Variants in NOP9 observed in about 807,000 individuals in gnomAD.
NOP9 encodes nucleolar protein 9.
NOP9 carries 50 observed loss-of-function variants against 63.0 expected under a neutral mutation model. The observed-to-expected ratio is 0.79, with a 90% CI of 0.63 to 1.00. The LOEUF (loss-of-function observed/expected upper bound fraction) is 1.00, where lower values mean the gene tolerates loss of function less well. NOP9 is among the 50% of genes least tolerant of loss of function. The probability of loss-of-function intolerance (pLI) is 0.00; values close to 1 mark genes in which losing one functional copy is unlikely to be tolerated. For synonymous variants in NOP9, 343 were observed against 332.8 expected, an observed-to-expected ratio of 1.03 and a Z score of -0.33; for missense variants, 758 against 803.0, an observed-to-expected ratio of 0.94 and a Z score of 0.68.
chr14:24,304,853 T>G (rs1594623991), intron 9 of NOP9, 85 bp from the exon 10 acceptor site: 3 of 1,414,478 alleles, frequency 2.1e-6, no homozygotes, highest in Non-Finnish European at 2.8e-6. Flanking sequence ...AGTCCCAGGG[T>G]CTGGGGGAAA....
At chr14:24,277,637 C>G in the NOP9 span, among the ~76,000 whole-genome samples, 1 of 152,242 alleles carries the variant, frequency 6.6e-6, no homozygotes, top group Non-Finnish European at 1.5e-5. Flanking sequence ...CGAGGCCGCA[C>G]AGCCAGAAGC....
At chr14:24,291,974 G>T in the NOP9 span, 1 of 667,992 alleles carries the variant, frequency 1.5e-6, no homozygotes, top group Non-Finnish European at 2.5e-6. Context: ...CCTTCAACAA[G>T]TTTCTAAACC....
At chr14:24,276,976 A>T in the NOP9 span, among the ~76,000 whole-genome samples, 1 of 152,188 alleles carries the variant, frequency 6.6e-6, no homozygotes, top group Non-Finnish European at 1.5e-5. Flanking sequence ...GAAGGAGGTT[A>T]GAAAACCCCC....
the NOP9 span, among the ~76,000 whole-genome samples, chr14:24,284,396 T>C: frequency 6.6e-6 from 1 of 152,102 alleles, no homozygotes; most frequent in African/African-American, 2.4e-5. Flanking sequence ...AAACACCAGC[T>C]GACCAGGAGA....
chr14:24,282,777 A>C, the NOP9 span, among the ~76,000 whole-genome samples: 1 of 152,170 alleles, frequency 6.6e-6, no homozygotes, highest in Non-Finnish European at 1.5e-5. Flanking sequence ...AAGGGTCCTT[A>C]TGTCCTCCAG....
chr14:24,294,842 A>G, the NOP9 span, among the ~76,000 whole-genome samples: 1 of 152,186 alleles, frequency 6.6e-6, no homozygotes, highest in African/African-American at 2.4e-5. Context: ...ACCCCTTTAT[A>G]TATTTTCGGC....
At chr14:24,271,207 A>G in the NOP9 span, 2 of 1,421,848 alleles carry the variant, frequency 1.4e-6, no homozygotes, top group South Asian at 1.5e-5. Context: ...CCCCGCCCCT[A>G]CTAGCTCCGC....
At chr14:24,291,631 A>G in the NOP9 span, 4 of 1,614,080 alleles carry the variant, frequency 2.5e-6, no homozygotes, top group Non-Finnish European at 2.5e-6. Context: ...TTGAACTGAA[A>G]CACAGGGGCA....
chr14:24,292,245 G>A, the NOP9 span: 1 of 1,614,080 alleles, frequency 6.2e-7, no homozygotes, highest in Non-Finnish European at 8.5e-7. Flanking sequence ...CAGCAGTTCT[G>A]TCTGCACAAT....
chr14:24,305,858 C>T lies in NOP9; in HGVS notation c.*763C>T. 1 of 1,584,362 alleles carries T rather than the reference C, an allele frequency of 6.3e-7. No individual in the cohort carries two copies. The highest frequency in any genetic ancestry group is 8.6e-7 in the Non-Finnish European group (1 of 1,162,178). ...GATGAGGACTTTCCACAAGCAAGAGCTAACTAGGGGTAGGTGGGTGCAAGA... is the reference window on the plus strand; with the variant it reads ...GATGAGGACTTTCCACAAGCAAGAGTTAACTAGGGGTAGGTGGGTGCAAGA... On this transcript the variant is annotated 3_prime_UTR_variant, in exon 10 of 10. Transcript: ENST00000267425.
At position 24,303,202 on chromosome 14, in the gene NOP9, G is replaced by A. The variant is rs1425150237; in HGVS notation, c.1272G>A (p.Gln424=). Residue 424 remains glutamine (Q), a synonymous_variant, in exon 6 of 10, where the codon CAG becomes CAA. Transcript: ENST00000267425. ...GGGCCTACCAAGCCAAGGTCCTACA[G>A]CTCTTGTTGGAGGTGAGTGGATATT... ...RVGAYQAKVL[Q]LLLEAFHCAE... 6.2e-7 allele frequency: 1 copy of A among 1,614,076 alleles called. No individual in the cohort carries two copies. The highest frequency in any genetic ancestry group is 8.5e-7 in the Non-Finnish European group (1 of 1,180,010).
chr14:24,272,396 C>A, the NOP9 span, among the ~76,000 whole-genome samples: 9 of 152,150 alleles, frequency 5.9e-5, no homozygotes, highest in South Asian at 1.9e-3. Flanking sequence ...CCTGTCTAAA[C>A]ATTGGCCTTT....
At chr14:24,275,668 TCAGGGCCCTGGGC>T in the NOP9 span, among the ~76,000 whole-genome samples, 4 of 152,084 alleles carry the variant, frequency 2.6e-5, no homozygotes, top group Non-Finnish European at 4.4e-5. Flanking sequence ...GAGCCCTGGG[TCAGGGCCCTGGGC>T]CAGGGCCCTG....
the NOP9 span, among the ~76,000 whole-genome samples, chr14:24,284,284 T>G: frequency 6.6e-6 from 1 of 152,218 alleles, no homozygotes; most frequent in East Asian, 1.9e-4. Context: ...GTTTTCATGA[T>G]GCCAACTGGA....
At chr14:24,273,731 A>G in the NOP9 span, among the ~76,000 whole-genome samples, 1 of 152,226 alleles carries the variant, frequency 6.6e-6, no homozygotes, top group South Asian at 2.1e-4. Context: ...AATTACAGGT[A>G]GGAGGCAGTA....
chr14:24,282,973 A>G, the NOP9 span, among the ~76,000 whole-genome samples: 1 of 152,228 alleles, frequency 6.6e-6, no homozygotes, highest in African/African-American at 2.4e-5. Flanking sequence ...CTTGGAGCAG[A>G]GGGCAGTGGG....
the NOP9 span, among the ~76,000 whole-genome samples, chr14:24,278,712 C>G: frequency 6.6e-6 from 1 of 152,164 alleles, no homozygotes; most frequent in Non-Finnish European, 1.5e-5. Context: ...ATCTGCTTGC[C>G]AAAAGCACTA....
rs2041347162 is a variant in NOP9 at position 24,300,324 on chromosome 14, G to A, written c.248-84G>A. On this transcript the variant is annotated intron_variant, in intron 1 of 9. Coordinates refer to ENST00000267425, the MANE Select transcript of NOP9 (RefSeq NM_174913.3). ...TCCCATGTCCTCTTCCTCGGCCTCCGACCCACGACCCTTGGTTAAGCGAGG... is the reference window on the plus strand; with the variant it reads ...TCCCATGTCCTCTTCCTCGGCCTCCAACCCACGACCCTTGGTTAAGCGAGG... The A allele has an allele frequency of 3.9e-6, 6 of 1,536,802 alleles. No individual in the cohort carries two copies. In the Admixed American group the frequency reaches 5.7e-5, roughly 15 times the overall value.
In NOP9 at chr14:24,304,363, A is replaced by T. The variant is rs75684920; in HGVS notation, c.1647+86A>T. On this transcript the variant is annotated intron_variant, in intron 8 of 9. Transcript: ENST00000267425. The stretch of plus-strand genomic sequence containing the variant: ...TCCCTGGACTGTACCTTCAGACTCA[A>T]AAAGGCTATGTAATTCCTAGACTAT... 605 of 1,342,954 alleles carry T rather than the reference A, an allele frequency of 4.5e-4. 6 individuals are homozygous for T. In the East Asian group the frequency reaches 0.013, roughly 28 times the overall value. 83.2% of individuals were successfully genotyped at this position (1,342,954 alleles called of 1,614,324 possible). A position where few individuals can be genotyped will look rare whatever the true frequency, so the allele number is the denominator to read the frequency against.
Sources: allele counts gnomAD v4.1 joint callset (sites outside exome capture counted in the v4.1 genomes callset), GRCh38; gene constraint gnomAD v4.1.1; transcripts MANE v1.5; gene names NCBI Gene and HGNC (gene_info 2026-07-23, HGNC 2026-07-21).